Variants in GLRA3 observed in about 807,000 individuals in gnomAD.
GLRA3 encodes the protein glycine receptor alpha 3.
GLRA3 carries 44 observed loss-of-function variants against 60.4 expected under a neutral mutation model. The ratio of observed to expected loss-of-function variants is 0.73; its 90% CI spans 0.57 to 0.94. The LOEUF is 0.94. Among genes scored for constraint, GLRA3 ranks in the 40% least tolerant of loss-of-function variants. GLRA3 has a pLI of 0.00. For synonymous variants in GLRA3, 223 were observed against 192.9 expected, an observed-to-expected ratio of 1.16 and a Z score of -1.29; for missense variants, 508 against 564.6, an observed-to-expected ratio of 0.90 and a Z score of 1.02.
At chr4:174,699,766 T>A (rs1735225149) in intron 5 of GLRA3, among the ~76,000 whole-genome samples, 2 of 106,344 alleles carry the variant, frequency 1.9e-5, no homozygotes, top group African/African-American at 5.3e-5. Context: ...TTTTAGAGAA[T>A]TAATATTTGT....
intron 7 of GLRA3, among the ~76,000 whole-genome samples, chr4:174,664,151 C>A (rs1239183419): frequency 6.6e-6 from 1 of 152,144 alleles, no homozygotes; most frequent in Non-Finnish European, 1.5e-5. Flanking sequence ...TTTGTGGATT[C>A]TCTTTCTTTT....
At chr4:174,659,971 C>A (rs76739284) in intron 7 of GLRA3, among the ~76,000 whole-genome samples, 49 of 139,806 alleles carry the variant, frequency 3.5e-4, no homozygotes, top group Admixed American at 3.7e-4. Flanking sequence ...AATTCTGTCT[C>A]AAAAAAAAAA....
At chr4:174,821,725 C>T (rs1481292403) in intron 1 of GLRA3, among the ~76,000 whole-genome samples, 1 of 152,024 alleles carries the variant, frequency 6.6e-6, no homozygotes, top group African/African-American at 2.4e-5. Context: ...AATACAAATT[C>T]GGTTTTTCAT....
intron 9 of GLRA3, among the ~76,000 whole-genome samples, chr4:174,655,387 C>T (rs1694897293): frequency 6.6e-6 from 1 of 152,020 alleles, no homozygotes; most frequent in Non-Finnish European, 1.5e-5. Context: ...TATAAACTTT[C>T]TTATGAATAT....
intron 1 of GLRA3, among the ~76,000 whole-genome samples, chr4:174,813,425 G>A (rs145043906): frequency 6.6e-6 from 1 of 152,248 alleles, no homozygotes; most frequent in East Asian, 1.9e-4. Context: ...AGAAATGTCT[G>A]CTGCAATGAG....
intron 3 of GLRA3, 76 bp from the exon 4 acceptor site, chr4:174,728,774 TGC>T: frequency 1.1e-6 from 1 of 891,780 alleles, no homozygotes; most frequent in Non-Finnish European, 1.7e-6. Flanking sequence ...GTCAGTGTGG[TGC>T]CAAGGCAGGC....
At chr4:174,716,707 C>T (rs1364176254) in intron 4 of GLRA3, among the ~76,000 whole-genome samples, 1 of 152,090 alleles carries the variant, frequency 6.6e-6, no homozygotes, top group African/African-American at 2.4e-5. Flanking sequence ...ACAATAGTAC[C>T]TACTCCAGAG....
chr4:174,681,179 T>C (rs1734328138), intron 6 of GLRA3, among the ~76,000 whole-genome samples: 1 of 152,188 alleles, frequency 6.6e-6, no homozygotes, highest in African/African-American at 2.4e-5. Flanking sequence ...AAATGTAAGT[T>C]CTTTTCCTTT....
intron 3 of GLRA3, among the ~76,000 whole-genome samples, chr4:174,744,782 T>A (rs1007408581): frequency 6.6e-5 from 10 of 152,096 alleles, no homozygotes; most frequent in African/African-American, 2.4e-4. Context: ...AACACAATAA[T>A]TCCTTAGCAA....
At chr4:174,712,888 T>C (rs1166706786) in intron 5 of GLRA3, 1 of 148,554 alleles carries the variant, frequency 6.7e-6, no homozygotes, top group African/African-American at 2.6e-5. Flanking sequence ...TGTATGAGTA[T>C]ATATATACAC....
intron 5 of GLRA3, among the ~76,000 whole-genome samples, chr4:174,694,467 A>G (rs1734975236): frequency 6.6e-6 from 1 of 152,234 alleles, no homozygotes; most frequent in Non-Finnish European, 1.5e-5. Flanking sequence ...TGACAGTTAA[A>G]CAACATGCTC....
intron 5 of GLRA3, among the ~76,000 whole-genome samples, chr4:174,708,767 A>G: frequency 6.6e-6 from 1 of 150,416 alleles, no homozygotes; most frequent in East Asian, 2.0e-4. Context: ...ATTCTAAGAA[A>G]TTATTATCCA....
intron 1 of GLRA3, among the ~76,000 whole-genome samples, chr4:174,799,096 A>G (rs1374502361): frequency 6.6e-6 from 1 of 152,184 alleles, no homozygotes; most frequent in East Asian, 1.9e-4. Context: ...GGACTTAGGA[A>G]TTTTAATTTT....
At chr4:174,750,143 C>G (rs1737409943) in intron 3 of GLRA3, among the ~76,000 whole-genome samples, 1 of 152,022 alleles carries the variant, frequency 6.6e-6, no homozygotes, top group Admixed American at 6.6e-5. Context: ...TAAGGAAGTG[C>G]TAGATTTTAC....
intron 3 of GLRA3, among the ~76,000 whole-genome samples, chr4:174,756,468 A>G (rs1737702659): frequency 6.6e-6 from 1 of 152,134 alleles, no homozygotes; most frequent in Non-Finnish European, 1.5e-5. Flanking sequence ...AATCAATATA[A>G]TTAATAATAT....
chr4:174,679,427 A>C (rs1734255070), intron 6 of GLRA3, among the ~76,000 whole-genome samples: 1 of 152,216 alleles, frequency 6.6e-6, no homozygotes, highest in African/African-American at 2.4e-5. Flanking sequence ...AAGCAGAGAA[A>C]GGGGAACACT....
intron 1 of GLRA3, among the ~76,000 whole-genome samples, chr4:174,823,067 C>T (rs1166686815): frequency 6.6e-6 from 1 of 152,098 alleles, no homozygotes; most frequent in Non-Finnish European, 1.5e-5. Context: ...TGTTACTGAA[C>T]AGCTCATTCC....
chr4:174,664,869 C>T (rs1291954461), intron 7 of GLRA3, among the ~76,000 whole-genome samples: 2 of 151,986 alleles, frequency 1.3e-5, no homozygotes, highest in African/African-American at 4.8e-5. Flanking sequence ...TACTGAATGC[C>T]GATGATGAAC....
chr4:174,791,814 A>G (rs1233698968), intron 1 of GLRA3, among the ~76,000 whole-genome samples: 2 of 152,142 alleles, frequency 1.3e-5, no homozygotes, highest in Non-Finnish European at 2.9e-5. Flanking sequence ...TACTGTGGCG[A>G]CTATGGAAAT....
Sources: gnomAD v4.1 joint callset for allele counts (sites outside exome capture counted in the v4.1 genomes callset) on GRCh38, gnomAD v4.1.1 for gene constraint, MANE v1.5 for transcripts, NCBI Gene and HGNC (gene_info 2026-07-23, HGNC 2026-07-21) for gene names.